Variants in PCCA observed in about 807,000 individuals in gnomAD.
PCCA encodes the protein propionyl-CoA carboxylase alpha chain, mitochondrial.
A neutral mutation model predicts 101.3 loss-of-function variants in PCCA; 74 were observed. The ratio of observed to expected loss-of-function variants is 0.73; its 90% CI spans 0.61 to 0.89. The LOEUF (loss-of-function observed/expected upper bound fraction) is 0.89. Ranked by LOEUF, PCCA falls within the 40% of genes least tolerant of loss-of-function variation. PCCA has a pLI of 0.00. For synonymous variants in PCCA, 294 were observed against 313.6 expected, an observed-to-expected ratio of 0.94 and a Z score of 0.66; for missense variants, 891 against 907.0, an observed-to-expected ratio of 0.98 and a Z score of 0.23.
rs534813649 is a variant in PCCA, at chr13:100,470,712, G to A, written c.1899+21407G>A. ...AAAATAAAAATATGAAAACTAGCTG[G>A]GCATGGTGGCTTACGCTTGTAGTCC... On this transcript the variant is annotated intron_variant, in intron 21 of 23. Transcript: ENST00000376285. Among the ~76,000 whole-genome samples, 8 of 152,112 alleles carry A rather than the reference G, an allele frequency of 5.3e-5. No individual in the cohort carries two copies. The South Asian group carries it at 1.7e-3, about 32-fold the overall frequency.
chr13:100,509,564 T>A (rs1450445385), intron 21 of PCCA, among the ~76,000 whole-genome samples: 1 of 152,258 alleles, frequency 6.6e-6, no homozygotes, highest in African/African-American at 2.4e-5. Context: ...TCAGAGATTT[T>A]AAAACGGAAG....
chr13:100,113,092 G>A (rs955617871), intron 4 of PCCA, among the ~76,000 whole-genome samples: 2 of 152,130 alleles, frequency 1.3e-5, no homozygotes, highest in Admixed American at 6.5e-5. Context: ...GAAATGCATC[G>A]TTAGGTGAAT....
chr13:100,316,563 A>C (rs2067367451), intron 16 of PCCA, among the ~76,000 whole-genome samples: 1 of 152,184 alleles, frequency 6.6e-6, no homozygotes, highest in African/African-American at 2.4e-5. Flanking sequence ...TATCAGTCAC[A>C]AATTTTGGGC....
intron 1 of PCCA, among the ~76,000 whole-genome samples, chr13:100,092,802 A>G (rs2046401691): frequency 6.6e-6 from 1 of 152,234 alleles, no homozygotes; most frequent in South Asian, 2.1e-4. Flanking sequence ...GCTTATATGA[A>G]TGCTTTAGAA....
At chr13:100,308,499 T>A (rs1268805335) in intron 15 of PCCA, among the ~76,000 whole-genome samples, 4 of 151,986 alleles carry the variant, frequency 2.6e-5, no homozygotes, top group Non-Finnish European at 5.9e-5. Flanking sequence ...TATTTTTTTA[T>A]ATCTTTTGTA....
chr13:100,445,440 C>T (rs749800081), intron 20 of PCCA, among the ~76,000 whole-genome samples: 9 of 152,184 alleles, frequency 5.9e-5, no homozygotes, highest in Non-Finnish European at 8.8e-5. Context: ...GTGAGGTACA[C>T]TTAAATATAC....
intron 12 of PCCA, among the ~76,000 whole-genome samples, chr13:100,282,190 A>G (rs1337667369): frequency 6.6e-6 from 1 of 152,214 alleles, no homozygotes; most frequent in East Asian, 1.9e-4. Context: ...TGATATTGTC[A>G]GAAAGGAGGG....
intron 7 of PCCA, among the ~76,000 whole-genome samples, chr13:100,212,467 G>A (rs184234494): frequency 7.9e-5 from 12 of 152,178 alleles, no homozygotes; most frequent in South Asian, 6.2e-4. Context: ...ATTCTTTTCC[G>A]CCTAGGAAGG....
At position 100,201,897 on chromosome 13, in the gene PCCA, A is replaced by G. The variant is rs1052061866; in HGVS notation, c.469-7435A>G. The stretch of plus-strand genomic sequence containing the variant: ...AAAAAAAAAAAAAAAAACCAAAAGC[A>G]GGGAGTGAATGGGCCAGATTTGGCC... On this transcript the variant is annotated intron_variant, in intron 6 of 23. Transcript: ENST00000376285. 4.8e-5 allele frequency among the ~76,000 whole-genome samples: 7 copies of G among 146,818 alleles called. No homozygotes were observed. In the South Asian group the frequency reaches 8.7e-4, roughly 18 times the overall value.
At chr13:100,172,048 A>T (rs530945380) in intron 6 of PCCA, among the ~76,000 whole-genome samples, 156 of 150,982 alleles carry the variant, frequency 1.0e-3, no homozygotes, top group African/African-American at 3.3e-3. Flanking sequence ...AAAAAAAAAA[A>T]ATATTAGCTG....
intron 16 of PCCA, among the ~76,000 whole-genome samples, chr13:100,320,743 A>G (rs893790780): frequency 6.6e-6 from 1 of 151,920 alleles, no homozygotes; most frequent in African/African-American, 2.4e-5. Context: ...TTTATTGAGG[A>G]TTTTTGCATC....
chr13:100,503,261 T>C (rs2787867), intron 21 of PCCA, among the ~76,000 whole-genome samples: 87,642 of 151,500 alleles, frequency 0.58, 25,733 homozygotes, highest in East Asian at 0.85. Flanking sequence ...GAGGCCGAGG[T>C]GGGTGGATCA....
At chr13:100,135,910 T>G (rs952544123) in intron 4 of PCCA, among the ~76,000 whole-genome samples, 1 of 152,074 alleles carries the variant, frequency 6.6e-6, no homozygotes, top group African/African-American at 2.4e-5. Context: ...TCATGTGGGG[T>G]TTTTTTCCTT....
At chr13:100,441,803 G>T (rs189719751) in intron 20 of PCCA, among the ~76,000 whole-genome samples, 1 of 151,998 alleles carries the variant, frequency 6.6e-6, no homozygotes, top group African/African-American at 2.4e-5. Flanking sequence ...ATTTGTTTTG[G>T]CATGCATTAG....
intron 20 of PCCA, 28 bp downstream of exon 20, chr13:100,425,759 G>T (rs1567115802): frequency 2.1e-6 from 3 of 1,446,532 alleles, no homozygotes; most frequent in Non-Finnish European, 2.9e-6. Context: ...TTCCTTAGAG[G>T]GCCTCCTCAA....
At position 100,283,664 on chromosome 13, in the gene PCCA, A is replaced by G. The variant is rs184279300; in HGVS notation, c.1065+10318A>G. On this transcript the variant is annotated intron_variant, in intron 12 of 23. Coordinates refer to ENST00000376285, the MANE Select transcript of PCCA (RefSeq NM_000282.4). Reference sequence around the variant, plus strand: ...TTAAACCTGGCAACCTCGGTGTTCTATAATAGGGACCAAGAGGAACAGGCC... The same window carrying G: ...TTAAACCTGGCAACCTCGGTGTTCTGTAATAGGGACCAAGAGGAACAGGCC... 8.1e-3 allele frequency among the ~76,000 whole-genome samples: 1,229 copies of G among 152,292 alleles called. 12 individuals carry two copies. The highest frequency in any genetic ancestry group is 0.028 in the African/African-American group (1,157 of 41,560).
At chr13:100,489,302 C>T (rs1227355636) in intron 21 of PCCA, among the ~76,000 whole-genome samples, 1 of 148,608 alleles carries the variant, frequency 6.7e-6, no homozygotes, top group Non-Finnish European at 1.5e-5. Context: ...AGCGAGACTC[C>T]GTCTCAAAAA....
At chr13:100,398,112 A>G (rs2077139195) in intron 19 of PCCA, among the ~76,000 whole-genome samples, 1 of 152,158 alleles carries the variant, frequency 6.6e-6, no homozygotes. Context: ...GGAAATGTGA[A>G]AGCTGGTAGT....
intron 7 of PCCA, among the ~76,000 whole-genome samples, chr13:100,219,144 C>T (rs1206743036): frequency 6.6e-6 from 1 of 152,118 alleles, no homozygotes; most frequent in Non-Finnish European, 1.5e-5. Context: ...CTTATGAGGT[C>T]TTGTCCTCTT....
Sources: gnomAD v4.1 joint callset for allele counts (sites outside exome capture counted in the v4.1 genomes callset) on GRCh38, gnomAD v4.1.1 for gene constraint, MANE v1.5 for transcripts, NCBI Gene and HGNC (gene_info 2026-07-23, HGNC 2026-07-21) for gene names.